ANKFN1: variants seen among roughly 807,000 people sequenced by gnomAD.
The protein encoded by ANKFN1 is ankyrin repeat and fibronectin type-III domain-containing protein 1.
Under a neutral mutation model 108.7 loss-of-function variants are expected in ANKFN1, and 74 were observed. That is an observed-to-expected ratio of 0.68 (90% confidence interval 0.56 to 0.83). The LOEUF (loss-of-function observed/expected upper bound fraction) is 0.83. ANKFN1 is among the 40% of genes least tolerant of loss of function. The pLI is 0.00. For missense variants in ANKFN1, 1,505 were observed against 1,382.3 expected (o/e 1.09, Z -1.41); for synonymous variants, 547 against 516.2 (o/e 1.06, Z -0.81).
intron 3 of ANKFN1, among the ~76,000 whole-genome samples, chr17:56,308,237 TAAAA>T (rs35895470): frequency 2.1e-5 from 3 of 141,802 alleles, no homozygotes; most frequent in Admixed American, 7.0e-5. Context: ...TAAAGTATAA[TAAAA>T]AAAAAAAAGA....
intron 1 of ANKFN1, among the ~76,000 whole-genome samples, chr17:56,205,385 A>G (rs971370895): frequency 6.6e-6 from 1 of 152,206 alleles, no homozygotes; most frequent in Non-Finnish European, 1.5e-5. Context: ...GCACTTCTAA[A>G]TATTTATAAA....
intron 14 of ANKFN1, among the ~76,000 whole-genome samples, 178 bp downstream of exon 14, chr17:56,458,157 TA>T (rs1446471737): frequency 6.6e-6 from 1 of 152,176 alleles, no homozygotes; most frequent in Non-Finnish European, 1.5e-5. Context: ...AGGTTTCATA[TA>T]GGAAACCTGT....
At chr17:56,373,565 G>C (rs929501523) in intron 7 of ANKFN1, among the ~76,000 whole-genome samples, 3 of 152,202 alleles carry the variant, frequency 2.0e-5, no homozygotes, top group Non-Finnish European at 4.4e-5. Flanking sequence ...ATAAGGGAAA[G>C]TTCGTTAGTT....
intron 4 of ANKFN1, among the ~76,000 whole-genome samples, chr17:56,342,469 G>C (rs1338308000): frequency 1.6e-4 from 24 of 151,980 alleles, no homozygotes. Context: ...TGCCTTAGCT[G>C]TGTCCCAGAG....
At chr17:56,048,267 T>A (rs1904713915) in intron 4 of ANKFN1, among the ~76,000 whole-genome samples, 1 of 152,188 alleles carries the variant, frequency 6.6e-6, no homozygotes, top group Admixed American at 6.5e-5. Flanking sequence ...ATAATTATAA[T>A]GCCACTTATG....
intron 4 of ANKFN1, among the ~76,000 whole-genome samples, chr17:56,328,133 C>G (rs12452882): frequency 0.5 from 75,851 of 151,960 alleles, 19,311 homozygotes; most frequent in Middle Eastern, 0.57. Context: ...ATACTTACGA[C>G]CCCAAGATCC....
intron 3 of ANKFN1, among the ~76,000 whole-genome samples, chr17:56,286,157 T>C (rs1022452207): frequency 1.1e-4 from 16 of 152,090 alleles, no homozygotes; most frequent in Non-Finnish European, 1.8e-4. Flanking sequence ...CAACATCTCT[T>C]ACTCCCAGCA....
intron 8 of ANKFN1, among the ~76,000 whole-genome samples, chr17:56,396,013 T>C (rs1598522275): frequency 6.6e-6 from 1 of 151,960 alleles, no homozygotes; most frequent in South Asian, 2.1e-4. Context: ...CACTTCTCTC[T>C]CCTGGAACAA....
intron 6 of ANKFN1, among the ~76,000 whole-genome samples, chr17:56,364,035 T>C (rs1315166006): frequency 6.6e-5 from 10 of 152,120 alleles, no homozygotes; most frequent in Admixed American, 6.5e-4. Context: ...AGATAGTTAA[T>C]AACAGTGTAT....
At chr17:56,476,028 G>A (rs958280048) in intron 15 of ANKFN1, among the ~76,000 whole-genome samples, 2 of 152,184 alleles carry the variant, frequency 1.3e-5, no homozygotes, top group Non-Finnish European at 2.9e-5. Flanking sequence ...CCATGGCAGA[G>A]CGGGAGAAAG....
Position 56,499,031 on chromosome 17 carries a change from A to G in ANKFN1, c.2577A>G (p.Ser859=). 1 of 1,535,784 alleles carries G rather than the reference A, an allele frequency of 6.5e-7. No individual in the cohort carries two copies. The highest frequency in any genetic ancestry group is 8.7e-7 in the Non-Finnish European group (1 of 1,146,674). Residue 859 remains serine, a synonymous_variant, in exon 20 of 21, where the codon TCA becomes TCG. Transcript: ENST00000682825. ...TAAAGAAGATCAATTCTACATCATC[A>G]TCACATATAGACTGTCTTCCATCCC... ...QSLKKINSTS[S]SHIDCLPSPP...
Position 56,466,550 on chromosome 17 carries a change from C to CTATTGGTT in ANKFN1, c.1752_1753insTATTGGTT (p.Ile585TyrfsTer6). The CTATTGGTT allele has an allele frequency of 6.2e-7, 1 of 1,612,082 alleles. No homozygotes were observed. The highest frequency in any genetic ancestry group is 8.5e-7 in the Non-Finnish European group (1 of 1,178,956). The stretch of plus-strand genomic sequence containing the variant: ...CACCTGAGGAGCCAACAGCTTTAGA[C>CTATTGGTT]ATTCTACTGATAACCATCCAGGTAT... On this transcript the variant is annotated frameshift_variant, in exon 15 of 21. Coordinates refer to ENST00000682825, the MANE Select transcript of ANKFN1 (RefSeq NM_001370326.1). LOFTEE classifies it high-confidence loss of function.
At chr17:56,214,571 C>T (rs557862059) in intron 2 of ANKFN1, among the ~76,000 whole-genome samples, 30 of 152,140 alleles carry the variant, frequency 2.0e-4, no homozygotes, top group Non-Finnish European at 3.8e-4. Context: ...ACATGGTTAG[C>T]GAAAAAGAAT....
chr17:56,167,388 A>G (rs1336063346), intron 1 of ANKFN1, among the ~76,000 whole-genome samples: 1 of 149,838 alleles, frequency 6.7e-6, no homozygotes, highest in Non-Finnish European at 1.5e-5. Flanking sequence ...CTAAGTTACT[A>G]TCAATACTAA....
At chr17:56,208,778 A>G (rs1914732494) in intron 1 of ANKFN1, among the ~76,000 whole-genome samples, 2 of 152,150 alleles carry the variant, frequency 1.3e-5, no homozygotes, top group South Asian at 4.1e-4. Context: ...ATCTCCTAGT[A>G]GTCCCCCACA....
At chr17:56,137,799 C>A (rs956439053) in intron 4 of ANKFN1, among the ~76,000 whole-genome samples, 4 of 152,064 alleles carry the variant, frequency 2.6e-5, no homozygotes, top group Admixed American at 6.6e-5. Context: ...TTTCCTAATA[C>A]AGACTATATT....
At chr17:56,258,910 C>T (rs1301881726) in intron 3 of ANKFN1, among the ~76,000 whole-genome samples, 8 of 151,194 alleles carry the variant, frequency 5.3e-5, no homozygotes, top group Non-Finnish European at 1.2e-4. Context: ...GACTCCGTCT[C>T]GAAAAATAAA....
intron 20 of ANKFN1, among the ~76,000 whole-genome samples, chr17:56,507,333 A>G (rs1433768718): frequency 6.6e-6 from 1 of 152,132 alleles, no homozygotes; most frequent in Admixed American, 6.5e-5. Flanking sequence ...CTCTCCTTTT[A>G]ACCTGGAAAT....
intron 4 of ANKFN1, among the ~76,000 whole-genome samples, chr17:56,100,032 G>A (rs1436897911): frequency 6.6e-6 from 1 of 152,188 alleles, no homozygotes; most frequent in Non-Finnish European, 1.5e-5. Flanking sequence ...AAAGAAAGCG[G>A]CAACAAACAC....
Sources: allele counts gnomAD v4.1 joint callset (sites outside exome capture counted in the v4.1 genomes callset), GRCh38; gene constraint gnomAD v4.1.1; transcripts MANE v1.5; gene names NCBI Gene and HGNC (gene_info 2026-07-23, HGNC 2026-07-21).